Variants in DHRS7B observed in about 807,000 individuals in gnomAD.
The protein encoded by DHRS7B is peroxisomal reductase activating PPAR-gamma.
In DHRS7B, 24 loss-of-function variants were observed where a neutral mutation model predicts 26.4. The observed-to-expected ratio is 0.91, with a 90% confidence interval of 0.66 to 1.28. DHRS7B has a LOEUF of 1.28. DHRS7B is among the 50% of genes most tolerant of loss of function. The pLI, the probability that DHRS7B is intolerant of heterozygous loss-of-function variation, is 0.00. For missense variants in DHRS7B, 368 were observed against 419.4 expected (o/e 0.88, Z 1.07); for synonymous variants, 142 against 166.4 (o/e 0.85, Z 1.13).
chr17:21,166,547 A>G (rs1974118633), intron 1 of DHRS7B: 1 of 892,084 alleles, frequency 1.1e-6, no homozygotes, highest in Non-Finnish European at 1.3e-6. Context: ...GACCAAAAAA[A>G]AAAAAAGGCA....
intron 1 of DHRS7B, among the ~76,000 whole-genome samples, chr17:21,148,678 G>A (rs750379703): frequency 2.0e-5 from 3 of 152,120 alleles, no homozygotes; most frequent in African/African-American, 4.8e-5. Flanking sequence ...CCTAGGAGGC[G>A]GAGGTTGCAG....
At chr17:21,171,904 G>C (rs563466816) in intron 1 of DHRS7B, 114 bp from the exon 2 acceptor site, 1 of 1,314,044 alleles carries the variant, frequency 7.6e-7, no homozygotes, top group Admixed American at 1.8e-5. Flanking sequence ...AGGGCTTAGA[G>C]CTGGAGTCCA....
chr17:21,180,951 A>G (rs138479201), intron 3 of DHRS7B, among the ~76,000 whole-genome samples: 208 of 152,360 alleles, frequency 1.4e-3, no homozygotes, highest in African/African-American at 4.9e-3. Flanking sequence ...ATGTCTTTCC[A>G]TGAACTTACA....
At chr17:21,157,163 A>C (rs1449012123) in intron 1 of DHRS7B, among the ~76,000 whole-genome samples, 2 of 151,498 alleles carry the variant, frequency 1.3e-5, no homozygotes, top group African/African-American at 4.8e-5. Flanking sequence ...CCAATTCTCT[A>C]CAATCTCTCC....
chr17:21,140,523 CACACACACACACA>C (rs1973478405), intron 1 of DHRS7B, among the ~76,000 whole-genome samples: 1 of 150,448 alleles, frequency 6.6e-6, no homozygotes, highest in Non-Finnish European at 1.5e-5. Flanking sequence ...CACACACACA[CACACACACACACA>C]CACCCTGACA....
chr17:21,141,729 G>A (rs1245668579), intron 1 of DHRS7B, among the ~76,000 whole-genome samples: 1 of 149,320 alleles, frequency 6.7e-6, no homozygotes, highest in Admixed American at 6.7e-5. Flanking sequence ...CTGGAAGCAG[G>A]TAAAACTCCA....
intron 1 of DHRS7B, among the ~76,000 whole-genome samples, chr17:21,132,530 C>CAAAAAAAAAAAA (rs34728939): frequency 1.3e-4 from 11 of 81,586 alleles, no homozygotes; most frequent in Admixed American, 3.2e-4. Flanking sequence ...GACCTTGTCT[C>CAAAAAAAAAAAA]AAAAAAAAAA....
intron 1 of DHRS7B, chr17:21,171,767 G>T: frequency 1.6e-6 from 1 of 609,606 alleles, no homozygotes; most frequent in Non-Finnish European, 3.0e-6. Context: ...GGCAATCTCC[G>T]CTTGTTCCCT....
rs921202633 is a variant in DHRS7B, at chr17:21,148,778, T to TA, written c.20+21797dup. The stretch of plus-strand genomic sequence containing the variant: ...AACAAAACCAGAAAATACACAGAGG[T>TA]AAAAAAAAAATGATGAAAAGCCATG... On this transcript the variant is annotated intron_variant, in intron 1 of 6. Coordinates refer to ENST00000395511, the MANE Select transcript of DHRS7B (RefSeq NM_015510.5). Among the ~76,000 whole-genome samples, 60 of 144,958 alleles carry TA rather than the reference T, an allele frequency of 4.1e-4. 1 individual carries two copies. The highest frequency in any genetic ancestry group is 4.0e-3 in the East Asian group (20 of 4,982).
At chr17:21,143,729 G>A (rs1973579260) in intron 1 of DHRS7B, among the ~76,000 whole-genome samples, 1 of 152,178 alleles carries the variant, frequency 6.6e-6, no homozygotes, top group Admixed American at 6.5e-5. Context: ...CCCCTTCTGA[G>A]GATCCAATCT....
At chr17:21,157,145 G>A (rs1302312129) in intron 1 of DHRS7B, among the ~76,000 whole-genome samples, 2 of 152,068 alleles carry the variant, frequency 1.3e-5, no homozygotes, top group Non-Finnish European at 2.9e-5. Context: ...AATTAAGAAA[G>A]AATTATACCA....
intron 1 of DHRS7B, among the ~76,000 whole-genome samples, chr17:21,130,355 C>T (rs1393894053): frequency 6.6e-6 from 1 of 152,156 alleles, no homozygotes; most frequent in East Asian, 1.9e-4. Context: ...TGTCACTGTA[C>T]TCCAGCCTGG....
At chr17:21,135,492 G>C (rs973554491) in intron 1 of DHRS7B, among the ~76,000 whole-genome samples, 5 of 152,138 alleles carry the variant, frequency 3.3e-5, no homozygotes, top group Admixed American at 6.5e-5. Context: ...TGTAAAATAA[G>C]TCATCCATTT....
At chr17:21,166,592 A>C (rs1403825948) in intron 1 of DHRS7B, 6 of 436,032 alleles carry the variant, frequency 1.4e-5, no homozygotes, top group African/African-American at 1.3e-4. Flanking sequence ...AAAATGACAG[A>C]AGCTTTCAGA....
intron 1 of DHRS7B, among the ~76,000 whole-genome samples, chr17:21,141,640 A>AAAAAAAACAAAAG: frequency 4.4e-5 from 4 of 90,076 alleles, no homozygotes; most frequent in Non-Finnish European, 6.2e-5. Context: ...AAAAAAAAAA[A>AAAAAAAACAAAAG]CAACCTCATC....
At chr17:21,129,026 A>G (rs1270551642) in intron 1 of DHRS7B, among the ~76,000 whole-genome samples, 3 of 152,220 alleles carry the variant, frequency 2.0e-5, no homozygotes, top group African/African-American at 7.2e-5. Flanking sequence ...TCATTCCTTC[A>G]GATACTTATT....
chr17:21,150,823 A>G (rs1459390521), intron 1 of DHRS7B, among the ~76,000 whole-genome samples: 1 of 152,170 alleles, frequency 6.6e-6, no homozygotes, highest in African/African-American at 2.4e-5. Flanking sequence ...GGTCTAGGAT[A>G]ACTCCCCTAT....
intron 1 of DHRS7B, among the ~76,000 whole-genome samples, chr17:21,167,762 AC>A (rs1303935579): frequency 6.6e-6 from 1 of 152,114 alleles, no homozygotes; most frequent in Non-Finnish European, 1.5e-5. Flanking sequence ...CCCTTTTTAT[AC>A]CATCAATCTT....
Position 21,131,296 on chromosome 17 carries a change from A to G in DHRS7B, c.20+4305A>G, listed in dbSNP as rs971750500. 2.6e-5 allele frequency among the ~76,000 whole-genome samples: 4 copies of G among 152,324 alleles called. No homozygotes were observed. The East Asian group carries it at 7.7e-4, about 29-fold the overall frequency. ...TGATTATATGCTAAAGAAGGGGTGG[A>G]TTATTCATGAATTTTCTAGGAAAGG... On this transcript the variant is annotated intron_variant, in intron 1 of 6. Transcript: ENST00000395511.
Sources: gnomAD v4.1 joint callset for allele counts (sites outside exome capture counted in the v4.1 genomes callset) on GRCh38, gnomAD v4.1.1 for gene constraint, MANE v1.5 for transcripts, NCBI Gene and HGNC (gene_info 2026-07-23, HGNC 2026-07-21) for gene names.